Variants in GULP1 observed in about 807,000 individuals in gnomAD.
The protein encoded by GULP1 is GULP PTB domain containing engulfment adaptor 1.
In GULP1, 19 loss-of-function variants were observed where a neutral mutation model predicts 40.9. That is an observed-to-expected ratio of 0.46 (90% CI 0.32 to 0.68). The LOEUF (loss-of-function observed/expected upper bound fraction) is 0.68, where lower values mean the gene tolerates loss of function less well. Ranked by LOEUF, GULP1 falls within the 30% of genes least tolerant of loss-of-function variation. The pLI, the probability that GULP1 is intolerant of heterozygous loss-of-function variation, is 0.03. For synonymous variants in GULP1, 119 were observed against 117.6 expected (o/e 1.01, Z -0.08); for missense variants, 312 against 362.2 (o/e 0.86, Z 1.12).
chr2:188,592,096 T>A (rs1339808453), intron 11 of GULP1: 3 of 151,994 alleles, frequency 2.0e-5, no homozygotes, highest in Non-Finnish European at 4.4e-5. Context: ...AACACTTTAT[T>A]ATTAAAATAG....
At chr2:188,576,420 A>G in intron 9 of GULP1, among the ~76,000 whole-genome samples, 1 of 152,186 alleles carries the variant, frequency 6.6e-6, no homozygotes, top group Admixed American at 6.6e-5. Context: ...AATAAAAAGT[A>G]TACCTTTAAT....
intron 1 of GULP1, among the ~76,000 whole-genome samples, chr2:188,370,616 A>G (rs1028868070): frequency 1.1e-4 from 17 of 152,308 alleles, no homozygotes; most frequent in South Asian, 4.1e-4. Context: ...AACTTACTTG[A>G]TAATGTTGAC....
chr2:188,437,808 A>G (rs1216393319), intron 2 of GULP1, among the ~76,000 whole-genome samples: 2 of 152,174 alleles, frequency 1.3e-5, no homozygotes, highest in Non-Finnish European at 2.9e-5. Context: ...TACCCTTAGC[A>G]AGCTAACTTA....
intron 2 of GULP1, among the ~76,000 whole-genome samples, chr2:188,418,128 A>C (rs1246553270): frequency 6.6e-6 from 1 of 152,116 alleles, no homozygotes; most frequent in Non-Finnish European, 1.5e-5. Flanking sequence ...TTTATTTAAA[A>C]AAAATTAAAT....
intron 7 of GULP1, among the ~76,000 whole-genome samples, chr2:188,548,127 T>C (rs1692462163): frequency 6.6e-6 from 1 of 152,058 alleles, no homozygotes; most frequent in African/African-American, 2.4e-5. Flanking sequence ...GCTCTAGCCA[T>C]TGCAGCAAGA....
intron 2 of GULP1, among the ~76,000 whole-genome samples, chr2:188,439,603 G>A (rs968570060): frequency 2.6e-5 from 4 of 152,032 alleles, no homozygotes; most frequent in African/African-American, 7.2e-5. Context: ...GTGTGTATGC[G>A]TATTTGTTTG....
At chr2:188,325,382 T>C (rs2040604899) in intron 1 of GULP1, among the ~76,000 whole-genome samples, 2 of 152,106 alleles carry the variant, frequency 1.3e-5, no homozygotes, top group African/African-American at 4.8e-5. Context: ...TTGCTGTTGT[T>C]ACTTCATGCC....
At chr2:188,495,880 T>A (rs1044087373) in intron 4 of GULP1, among the ~76,000 whole-genome samples, 1 of 152,036 alleles carries the variant, frequency 6.6e-6, no homozygotes, top group Non-Finnish European at 1.5e-5. Context: ...AACAACTATC[T>A]TACAGATGGG....
chr2:188,428,507 T>A (rs1372569378), intron 2 of GULP1, among the ~76,000 whole-genome samples: 4 of 152,166 alleles, frequency 2.6e-5, no homozygotes, highest in Non-Finnish European at 5.9e-5. Flanking sequence ...TCTCATGGTT[T>A]AACGTAATTT....
At chr2:188,395,021 C>T (rs1016654377) in intron 2 of GULP1, among the ~76,000 whole-genome samples, 25 of 151,982 alleles carry the variant, frequency 1.6e-4, no homozygotes, top group Admixed American at 1.1e-3. Context: ...AGCTTCAGGC[C>T]GGTAGAGAAG....
At chr2:188,333,402 G>C (rs1559121233) in intron 1 of GULP1, among the ~76,000 whole-genome samples, 2 of 152,058 alleles carry the variant, frequency 1.3e-5, no homozygotes, top group Admixed American at 1.3e-4. Context: ...ACAATATTTT[G>C]GGCAAATATC....
chr2:188,449,548 A>G (rs1287600622), intron 2 of GULP1, among the ~76,000 whole-genome samples: 1 of 152,218 alleles, frequency 6.6e-6, no homozygotes, highest in African/African-American at 2.4e-5. Flanking sequence ...GTATCAGGAT[A>G]CAGATGGCAT....
intron 1 of GULP1, among the ~76,000 whole-genome samples, chr2:188,306,294 T>A (rs1410027214): frequency 1.3e-5 from 2 of 152,324 alleles, no homozygotes; most frequent in East Asian, 3.9e-4. Context: ...AAAATTTAAC[T>A]TTAAATAGTT....
At chr2:188,389,471 A>C (rs973748085) in intron 2 of GULP1, among the ~76,000 whole-genome samples, 1 of 152,210 alleles carries the variant, frequency 6.6e-6, no homozygotes, top group African/African-American at 2.4e-5. Flanking sequence ...ACTTTCCAGC[A>C]GTCACAAAAA....
At chr2:188,548,955 C>G (rs1309427413) in intron 7 of GULP1, among the ~76,000 whole-genome samples, 1 of 151,600 alleles carries the variant, frequency 6.6e-6, no homozygotes, top group Non-Finnish European at 1.5e-5. Context: ...TAAAAATTAA[C>G]TGAAAATTCA....
chr2:188,367,038 A>G (rs557217255), intron 1 of GULP1, among the ~76,000 whole-genome samples: 1 of 152,342 alleles, frequency 6.6e-6, no homozygotes, highest in East Asian at 1.9e-4. Context: ...GTAGTAACAA[A>G]TGGATGTTTT....
intron 1 of GULP1, among the ~76,000 whole-genome samples, chr2:188,318,092 T>G (rs1056816866): frequency 1.3e-5 from 2 of 150,068 alleles, no homozygotes; most frequent in Non-Finnish European, 2.9e-5. Context: ...TTCTAATTAA[T>G]TTTTGCTCCA....
chr2:188,440,606 C>T (rs1323420580), intron 2 of GULP1, among the ~76,000 whole-genome samples: 3 of 151,990 alleles, frequency 2.0e-5, no homozygotes, highest in African/African-American at 4.8e-5. Context: ...GCTTTGTCAC[C>T]CAGGCTGGAG....
intron 4 of GULP1, among the ~76,000 whole-genome samples, chr2:188,489,258 C>T (rs2062136285): frequency 6.6e-6 from 1 of 151,938 alleles, no homozygotes; most frequent in South Asian, 2.1e-4. Flanking sequence ...TGAAACATCC[C>T]AAATGGTTTT....
Sources: allele counts gnomAD v4.1 joint callset (sites outside exome capture counted in the v4.1 genomes callset), GRCh38; gene constraint gnomAD v4.1.1; transcripts MANE v1.5; gene names NCBI Gene and HGNC (gene_info 2026-07-23, HGNC 2026-07-21).